TENM3: variants seen among roughly 807,000 people sequenced by gnomAD.
TENM3 encodes teneurin transmembrane protein 3, also known as teneurin-3.
In TENM3, 63 loss-of-function variants were observed where a neutral mutation model predicts 255.1. That is an observed-to-expected ratio of 0.25 (90% CI 0.20 to 0.30). The LOEUF (loss-of-function observed/expected upper bound fraction) is 0.30, where lower values mean the gene tolerates loss of function less well. Ranked by LOEUF, TENM3 falls within the 10% of genes least tolerant of loss-of-function variation. The pLI, the probability that TENM3 is intolerant of heterozygous loss-of-function variation, is 1.00. For missense variants in TENM3, 2,929 were observed against 3,461.1 expected (o/e 0.85, Z 3.86); for synonymous variants, 1,306 against 1,322.3 (o/e 0.99, Z 0.27).
intron 3 of TENM3, among the ~76,000 whole-genome samples, chr4:182,546,518 C>G (rs1358684153): frequency 6.6e-6 from 1 of 152,076 alleles, no homozygotes; most frequent in Non-Finnish European, 1.5e-5. Context: ...TCACTGAAGC[C>G]TCAACCTCAT....
At chr4:182,728,317 C>T (rs559375997) in intron 13 of TENM3, among the ~76,000 whole-genome samples, 6 of 152,320 alleles carry the variant, frequency 3.9e-5, no homozygotes, top group Admixed American at 3.9e-4. Flanking sequence ...ACTCCTAGTG[C>T]ATTTTCTCTA....
At chr4:182,391,911 G>C (rs560918237) in intron 3 of TENM3, among the ~76,000 whole-genome samples, 3 of 152,190 alleles carry the variant, frequency 2.0e-5, no homozygotes, top group South Asian at 4.1e-4. Context: ...AGAAAATATG[G>C]CATAATATTT....
intron 3 of TENM3, among the ~76,000 whole-genome samples, chr4:182,351,758 A>G (rs2150707521): frequency 6.6e-6 from 1 of 152,222 alleles, no homozygotes; most frequent in African/African-American, 2.4e-5. Context: ...TTGTATGGGC[A>G]CTACCACCTC....
At chr4:181,746,491 G>A in the TENM3 span, among the ~76,000 whole-genome samples, 2 of 152,086 alleles carry the variant, frequency 1.3e-5, no homozygotes, top group African/African-American at 4.8e-5. Context: ...GATGGAACCT[G>A]ATGATTCAAA....
chr4:182,731,728 T>C (rs1178255724), intron 16 of TENM3, among the ~76,000 whole-genome samples: 2 of 150,110 alleles, frequency 1.3e-5, no homozygotes, highest in Non-Finnish European at 3.0e-5. Flanking sequence ...TGTGTGTGTG[T>C]GTGTGTGTGT....
the TENM3 span, among the ~76,000 whole-genome samples, chr4:181,772,008 A>G: frequency 1.3e-5 from 2 of 152,240 alleles, no homozygotes; most frequent in Non-Finnish European, 2.9e-5. Flanking sequence ...TTTAAAGATC[A>G]GATTAATTAT....
chr4:182,382,381 A>T (rs1580359716), intron 3 of TENM3, among the ~76,000 whole-genome samples: 1 of 151,354 alleles, frequency 6.6e-6, no homozygotes, highest in African/African-American at 2.4e-5. Flanking sequence ...TTATATTTTC[A>T]AGTTATACCC....
intron 1 of TENM3, among the ~76,000 whole-genome samples, chr4:182,258,185 A>G (rs1482175974): frequency 6.6e-6 from 1 of 152,076 alleles, no homozygotes; most frequent in African/African-American, 2.4e-5. Flanking sequence ...ATGCATGTGT[A>G]TTTTTTATTC....
In TENM3 at chr4:182,730,993, A is replaced by G. The variant is rs1295610354; in HGVS notation, c.2821A>G (p.Thr941Ala). Residue 941 changes from threonine to alanine, a missense_variant, in exon 16 of 28, where the codon ACC (threonine) becomes GCC (alanine). This residue lies in a region of TENM3 where 1,608 missense variants were observed against 1,884.4 expected (regional missense o/e 0.85). Transcript: ENST00000511685. ...ATGGAATGTCTTTTATGTGATGGAT[A>G]CCCTAGTCATGAAGAAAGAAGAGAA... Reference protein sequence around the residue: ...IPWNVFYVMDTLVMKKEENDI... With the variant: ...IPWNVFYVMDALVMKKEENDI... The G allele has an allele frequency of 6.2e-7, 1 of 1,613,786 alleles. No homozygotes were observed. The highest frequency in any genetic ancestry group is 1.3e-5 in the African/African-American group (1 of 74,896).
the TENM3 span, among the ~76,000 whole-genome samples, chr4:181,659,494 A>G: frequency 1.3e-5 from 2 of 152,216 alleles, no homozygotes; most frequent in African/African-American, 2.4e-5. Flanking sequence ...TGAGTGAGTG[A>G]AGAAACAAAT....
the TENM3 span, among the ~76,000 whole-genome samples, chr4:181,966,138 T>C: frequency 2.0e-5 from 3 of 152,180 alleles, no homozygotes; most frequent in Admixed American, 6.5e-5. Context: ...GTGGTTATTT[T>C]TGACACCCGA....
chr4:182,770,412 C>T (rs1166227959), intron 22 of TENM3, among the ~76,000 whole-genome samples: 1 of 152,188 alleles, frequency 6.6e-6, no homozygotes, highest in African/African-American at 2.4e-5. Flanking sequence ...TCTGTGCTGG[C>T]CACTGTGCCT....
At chr4:181,706,167 G>A in the TENM3 span, among the ~76,000 whole-genome samples, 1 of 152,086 alleles carries the variant, frequency 6.6e-6, no homozygotes, top group Admixed American at 6.5e-5. Context: ...GTCTCCCTGT[G>A]TCTGCACGTT....
intron 1 of TENM3, among the ~76,000 whole-genome samples, chr4:182,256,931 C>T (rs913299830): frequency 1.3e-5 from 2 of 151,878 alleles, no homozygotes; most frequent in African/African-American, 4.8e-5. Context: ...AAAACGGTAC[C>T]CGGAGTGCCA....
the TENM3 span, among the ~76,000 whole-genome samples, chr4:181,543,077 T>C: frequency 6.6e-6 from 1 of 152,194 alleles, no homozygotes; most frequent in African/African-American, 2.4e-5. Flanking sequence ...TACTGTGAAA[T>C]TTGAGCAAGG....
chr4:182,586,409 C>A (rs556438980), intron 3 of TENM3, among the ~76,000 whole-genome samples: 170 of 152,286 alleles, frequency 1.1e-3, no homozygotes, highest in Non-Finnish European at 2.0e-3. Flanking sequence ...ATTCAGTATT[C>A]TTTTCAGTGT....
the TENM3 span, among the ~76,000 whole-genome samples, chr4:181,982,862 A>G: frequency 2.0e-5 from 3 of 152,308 alleles, no homozygotes; most frequent in Non-Finnish European, 4.4e-5. Context: ...TTGTTACCAG[A>G]AATAAACTTA....
intron 2 of TENM3, 60 bp downstream of exon 2, chr4:182,324,312 G>C (rs187499900): frequency 7.9e-6 from 10 of 1,268,322 alleles, no homozygotes; most frequent in Middle Eastern, 3.7e-4. Flanking sequence ...TAGGTGTCGT[G>C]ATTTTCCCCT....
At chr4:182,748,749 C>A (rs1378558182) in intron 19 of TENM3, among the ~76,000 whole-genome samples, 1 of 152,230 alleles carries the variant, frequency 6.6e-6, no homozygotes, top group Non-Finnish European at 1.5e-5. Flanking sequence ...GTTCTCATTT[C>A]CTACCATCCT....
Sources: gnomAD v4.1 joint callset for allele counts (sites outside exome capture counted in the v4.1 genomes callset) on GRCh38, gnomAD v4.1.1 for gene constraint, gnomAD v4.1.1 regional missense constraint, MANE v1.5 for transcripts, NCBI Gene and HGNC (gene_info 2026-07-23, HGNC 2026-07-21) for gene names.